SLC38A9: variants seen among roughly 807,000 people sequenced by gnomAD.
SLC38A9 encodes the protein solute carrier family 38 member 9, also known as neutral amino acid transporter 9.
In SLC38A9, 48 loss-of-function variants were observed where a neutral mutation model predicts 62.3. The observed-to-expected ratio is 0.77, with a 90% CI of 0.61 to 0.98. SLC38A9 has a LOEUF of 0.98. SLC38A9 is among the 50% of genes least tolerant of loss of function. SLC38A9 has a pLI of 0.00. For missense variants in SLC38A9, 541 were observed against 679.8 expected, an observed-to-expected ratio of 0.80 and a Z score of 2.27; for synonymous variants, 204 against 227.7, an observed-to-expected ratio of 0.90 and a Z score of 0.94.
intron 3 of SLC38A9, among the ~76,000 whole-genome samples, chr5:55,681,493 T>G (rs918439630): frequency 6.6e-6 from 1 of 152,206 alleles, no homozygotes; most frequent in African/African-American, 2.4e-5. Flanking sequence ...TCTACCCCTA[T>G]GGTTTATGGC....
At chr5:55,689,962 T>C (rs528911641) in intron 3 of SLC38A9, among the ~76,000 whole-genome samples, 83 of 151,834 alleles carry the variant, frequency 5.5e-4, no homozygotes, top group African/African-American at 1.9e-3. Context: ...AACAGATTGA[T>C]CTAGGAAAGA....
At chr5:55,651,950 A>C (rs945657715) in intron 10 of SLC38A9, among the ~76,000 whole-genome samples, 1 of 127,418 alleles carries the variant, frequency 7.8e-6, no homozygotes, top group African/African-American at 2.7e-5. Flanking sequence ...AAACCAAATA[A>C]TTCATGTCTC....
chr5:55,708,522 A>G (rs192942169), intron 2 of SLC38A9, among the ~76,000 whole-genome samples: 1 of 152,232 alleles, frequency 6.6e-6, no homozygotes, highest in African/African-American at 2.4e-5. Flanking sequence ...TGCAAAAATA[A>G]ATCTATAGAA....
At chr5:55,651,348 T>G (rs1460511559) in intron 10 of SLC38A9, among the ~76,000 whole-genome samples, 1 of 144,602 alleles carries the variant, frequency 6.9e-6, no homozygotes, top group African/African-American at 2.6e-5. Context: ...CCTCCCAGGT[T>G]CAAGCAATTC....
chr5:55,637,407 T>C (rs1369190871), intron 12 of SLC38A9, among the ~76,000 whole-genome samples: 9 of 152,260 alleles, frequency 5.9e-5, no homozygotes, highest in Non-Finnish European at 1.0e-4. Context: ...TTCTACTGTA[T>C]TGTGACAGTC....
At chr5:55,645,657 G>T in intron 12 of SLC38A9, 132 bp downstream of exon 12, 1 of 695,158 alleles carries the variant, frequency 1.4e-6, no homozygotes, top group Non-Finnish European at 2.4e-6. Flanking sequence ...CTGCTCTATG[G>T]TTTAAGTTTA....
chr5:55,650,362 C>T (rs1007005951), intron 10 of SLC38A9, among the ~76,000 whole-genome samples: 7 of 151,964 alleles, frequency 4.6e-5, no homozygotes, highest in African/African-American at 1.7e-4. Flanking sequence ...TCTAATGAAG[C>T]TATGGTTTTA....
chr5:55,627,771 A>C (rs1167607902), intron 15 of SLC38A9, 120 bp downstream of exon 15: 2 of 594,694 alleles, frequency 3.4e-6, no homozygotes, highest in Non-Finnish European at 6.0e-6. Flanking sequence ...TTTGAATATT[A>C]CTAGTTTTAA....
At chr5:55,633,707 T>C (rs756751499) in intron 14 of SLC38A9, 47 bp downstream of exon 14, 1 of 1,613,086 alleles carries the variant, frequency 6.2e-7, no homozygotes, top group Admixed American at 1.7e-5. Flanking sequence ...GCTTGCACAG[T>C]CATTTGTTGC....
chr5:55,673,667 G>T (rs1751673215), intron 3 of SLC38A9, among the ~76,000 whole-genome samples: 2 of 150,470 alleles, frequency 1.3e-5, no homozygotes, highest in Admixed American at 6.6e-5. Flanking sequence ...TTAAAATGTA[G>T]TAACATATGG....
chr5:55,652,421 C>A (rs1205249399), intron 10 of SLC38A9, 108 bp downstream of exon 10: 41 of 307,526 alleles, frequency 1.3e-4, no homozygotes, highest in Middle Eastern at 1.0e-3. Context: ...ACAAATTAAA[C>A]ACAGATGAAC....
chr5:55,703,458 T>C (rs933592549), intron 2 of SLC38A9, among the ~76,000 whole-genome samples: 8 of 152,210 alleles, frequency 5.3e-5, no homozygotes, highest in South Asian at 2.1e-4. Flanking sequence ...TAATGTATTA[T>C]ACATATTCAA....
intron 2 of SLC38A9, among the ~76,000 whole-genome samples, chr5:55,702,318 G>A (rs1282194773): frequency 1.3e-5 from 2 of 151,304 alleles, no homozygotes; most frequent in Non-Finnish European, 2.9e-5. Flanking sequence ...GAGTGGTGCA[G>A]TGGCATGATC....
At chr5:55,687,191 G>T (rs1331546860) in intron 3 of SLC38A9, among the ~76,000 whole-genome samples, 2 of 150,178 alleles carry the variant, frequency 1.3e-5, no homozygotes, top group East Asian at 3.9e-4. Flanking sequence ...TGTAATCCCA[G>T]CACTTTGGGA....
rs1237309427 is a variant in SLC38A9 at position 55,656,680 on chromosome 5, G to A, written c.757+35C>T. 2.8e-6 allele frequency: 4 copies of A among 1,421,258 alleles called. No individual in the cohort carries two copies. The African/African-American group carries it at 5.6e-5, about 20-fold the overall frequency. The allele number at this position is 1,421,258 out of a possible 1,614,324, so 88.0% of individuals were successfully genotyped here. On this transcript the variant is annotated intron_variant, in intron 9 of 15. Transcript: ENST00000396865. ...TAAATCCTTTTTGGAGCAAGGTGGA[G>A]AGTAAAGAAACAAACAACATCCCAA...
chr5:55,626,472 T>TTC lies in SLC38A9; in HGVS notation c.*21_*22insGA. 6.3e-7 allele frequency: 1 copy of TTC among 1,597,900 alleles called. No homozygotes were observed. The highest frequency in any genetic ancestry group is 8.5e-7 in the Non-Finnish European group (1 of 1,170,958). On this transcript the variant is annotated 3_prime_UTR_variant, in exon 16 of 16. Coordinates refer to ENST00000396865, the MANE Select transcript of SLC38A9 (RefSeq NM_173514.4). ...AGGCTCAAAATATCATGAGAGCTCT[T>TTC]GAAAAAAACAGTTGAGGTATTTCAC...
Position 55,650,034 on chromosome 5 carries a change from T to C in SLC38A9, c.953-720A>G, listed in dbSNP as rs116032665. On this transcript the variant is annotated intron_variant, in intron 10 of 15. Transcript: ENST00000396865. ...AATTGGAAGTGTTAGAGTCAGTCTG[T>C]CACAGTATTTAATGTGAGATGGTAA... Among the ~76,000 whole-genome samples the C allele has an allele frequency of 6.3e-3, 954 of 152,238 alleles. 10 individuals are homozygous for C. Among genetic ancestry groups the C allele is most frequent in the African/African-American group, 0.022 (925 of 41,530 alleles).
intron 8 of SLC38A9, among the ~76,000 whole-genome samples, chr5:55,662,686 C>CAAA (rs1491345220): frequency 8.1e-4 from 34 of 41,804 alleles, no homozygotes; most frequent in East Asian, 2.7e-3. Flanking sequence ...CAAAAAAAAA[C>CAAA]CAAAAAAAAA....
At chr5:55,672,453 C>T in intron 4 of SLC38A9, 110 bp downstream of exon 4, 1 of 1,267,526 alleles carries the variant, frequency 7.9e-7, no homozygotes, top group Non-Finnish European at 1.1e-6. Flanking sequence ...TGATGCTGTC[C>T]TTGAAATACA....
Sources: gnomAD v4.1 joint callset for allele counts (sites outside exome capture counted in the v4.1 genomes callset) on GRCh38, gnomAD v4.1.1 for gene constraint, MANE v1.5 for transcripts, NCBI Gene and HGNC (gene_info 2026-07-23, HGNC 2026-07-21) for gene names.